Variants in RAMP1 observed in about 807,000 individuals in gnomAD.
RAMP1 encodes receptor activity-modifying protein 1.
A neutral mutation model predicts 8.2 loss-of-function variants in RAMP1; 7 were observed. The observed-to-expected ratio is 0.85, with a 90% CI of 0.49 to 1.60. The LOEUF is 1.60. Ranked by LOEUF, RAMP1 falls within the 40% of genes most tolerant of loss-of-function variation. The probability of loss-of-function intolerance (pLI) is 0.00; values close to 1 mark genes in which losing one functional copy is unlikely to be tolerated. For missense variants in RAMP1, 192 were observed against 202.4 expected (o/e 0.95, Z 0.31); for synonymous variants, 92 against 84.7 (o/e 1.09, Z -0.47).
intron 1 of RAMP1, among the ~76,000 whole-genome samples, chr2:237,875,079 C>T: frequency 6.6e-6 from 1 of 152,108 alleles, no homozygotes; most frequent in East Asian, 1.9e-4. Context: ...GAATTCCTTC[C>T]CTGAGTTGAC....
intron 2 of RAMP1, among the ~76,000 whole-genome samples, chr2:237,892,462 G>C (rs1191237820): frequency 6.6e-6 from 1 of 151,898 alleles, no homozygotes; most frequent in Non-Finnish European, 1.5e-5. Context: ...GTCTCACTGT[G>C]TTGCCCAGGC....
intron 2 of RAMP1, among the ~76,000 whole-genome samples, chr2:237,902,244 G>A (rs536754807): frequency 3.7e-4 from 56 of 151,648 alleles, no homozygotes; most frequent in Admixed American, 7.2e-4. Context: ...GATGAGGTGG[G>A]GGCCTGGAGC....
At chr2:237,867,727 G>A (rs376706031) in intron 1 of RAMP1, among the ~76,000 whole-genome samples, 13 of 152,274 alleles carry the variant, frequency 8.5e-5, no homozygotes, top group African/African-American at 3.1e-4. Flanking sequence ...GCAGCCTTTC[G>A]GCAGTCTCAG....
At chr2:237,900,935 A>G (rs1227893925) in intron 2 of RAMP1, among the ~76,000 whole-genome samples, 1 of 152,248 alleles carries the variant, frequency 6.6e-6, no homozygotes, top group African/African-American at 2.4e-5. Context: ...TTTATCAGAC[A>G]GTCACTGCAT....
chr2:237,911,092 TCA>T (rs997982654), intron 2 of RAMP1, among the ~76,000 whole-genome samples: 13 of 151,484 alleles, frequency 8.6e-5, no homozygotes, highest in Non-Finnish European at 1.3e-4. Flanking sequence ...TTACACATAG[TCA>T]CACACAGTCA....
chr2:237,895,242 G>A (rs541362348), intron 2 of RAMP1, among the ~76,000 whole-genome samples: 62 of 152,266 alleles, frequency 4.1e-4, no homozygotes, highest in African/African-American at 1.4e-3. Context: ...AGGGCAGCGC[G>A]AGTCACATGC....
chr2:237,911,399 C>A (rs550204968), intron 2 of RAMP1, 129 bp from the exon 3 acceptor site: 24 of 1,325,080 alleles, frequency 1.8e-5, no homozygotes, highest in Non-Finnish European at 2.4e-5. Flanking sequence ...GCCACTGCCT[C>A]GGCGTCGGGG....
intron 2 of RAMP1, among the ~76,000 whole-genome samples, chr2:237,893,389 G>A (rs1421670732): frequency 6.6e-6 from 1 of 152,210 alleles, no homozygotes; most frequent in African/African-American, 2.4e-5. Context: ...GGTGTGCAGT[G>A]CAGTTTCCTC....
chr2:237,899,558 C>T (rs912516879), intron 2 of RAMP1, among the ~76,000 whole-genome samples: 1 of 152,170 alleles, frequency 6.6e-6, no homozygotes. Context: ...TTAAAGCATT[C>T]CTGAAATTAG....
chr2:237,894,458 G>A lies in RAMP1; in HGVS notation c.192-17070G>A, dbSNP rs908385006. On this transcript the variant is annotated intron_variant, in intron 2 of 2. Coordinates refer to ENST00000254661, the MANE Select transcript of RAMP1 (RefSeq NM_005855.4). ...GCTGGGGTGGGAGCTAGGCCAGGGC[G>A]AGGCTGGCTGTGGAAGGGCCCTTTG... is the stretch of plus-strand genomic sequence containing the variant. 3.3e-5 allele frequency among the ~76,000 whole-genome samples: 5 copies of A among 152,310 alleles called. No individual in the cohort carries two copies. In the East Asian group the frequency reaches 5.8e-4, roughly 18 times the overall value.
At chr2:237,882,565 C>T (rs776676782) in intron 2 of RAMP1, among the ~76,000 whole-genome samples, 13 of 152,162 alleles carry the variant, frequency 8.5e-5, no homozygotes, top group Non-Finnish European at 1.5e-4. Flanking sequence ...ACTGTGGCCT[C>T]CTGAGATGGG....
At position 237,911,840 on chromosome 2, in the gene RAMP1, C is replaced by T. The variant is rs1444781257; in HGVS notation, c.*57C>T. ...GGCTGCAGGGTGAGGCCAGGCAGGC[C>T]TGGGTAGGGGCAGCTTCTGGAGCCT... On this transcript the variant is annotated 3_prime_UTR_variant, in exon 3 of 3. Coordinates refer to ENST00000254661, the MANE Select transcript of RAMP1 (RefSeq NM_005855.4). 4.6e-6 allele frequency: 7 copies of T among 1,531,884 alleles called. No individual in the cohort carries two copies. The African/African-American group carries it at 8.2e-5, about 18-fold the overall frequency. 94.9% of individuals were successfully genotyped at this position (1,531,884 alleles called of 1,614,324 possible).
intron 1 of RAMP1, among the ~76,000 whole-genome samples, chr2:237,864,318 G>A (rs576995475): frequency 3.6e-5 from 5 of 137,696 alleles, no homozygotes; most frequent in Non-Finnish European, 5.9e-5. Flanking sequence ...AACCATGCGC[G>A]TGTTTGCTTC....
At chr2:237,859,820 G>A in intron 1 of RAMP1, 93 bp downstream of exon 1, 34 of 651,146 alleles carry the variant, frequency 5.2e-5, no homozygotes, top group Non-Finnish European at 7.4e-5. Context: ...GAGCGGGTGG[G>A]AGCGGGTGGG....
At chr2:237,864,721 T>A (rs1475675553) in intron 1 of RAMP1, among the ~76,000 whole-genome samples, 2 of 152,144 alleles carry the variant, frequency 1.3e-5, no homozygotes. Context: ...ACACCAAATG[T>A]CCATAGTGCC....
chr2:237,899,967 GA>G (rs1365404660), intron 2 of RAMP1, among the ~76,000 whole-genome samples: 4 of 152,130 alleles, frequency 2.6e-5, no homozygotes, highest in Non-Finnish European at 5.9e-5. Context: ...AGTGCCTTTT[GA>G]AACAGCAATT....
intron 2 of RAMP1, among the ~76,000 whole-genome samples, chr2:237,879,314 AG>A (rs1335560494): frequency 1.3e-5 from 2 of 151,904 alleles, no homozygotes; most frequent in African/African-American, 4.8e-5. Context: ...TTCTACAAGC[AG>A]CCATGGTGGA....
chr2:237,883,912 C>CTTT (rs34291315), intron 2 of RAMP1, among the ~76,000 whole-genome samples: 1,762 of 92,972 alleles, frequency 0.019, 201 homozygotes, highest in African/African-American at 0.081. Flanking sequence ...TGTAGGTCCA[C>CTTT]TTTTTTTTTT....
rs2151014110 is a variant in RAMP1, at chr2:237,886,950, C to T, written c.191+9588C>T. ...CGCCTCCCCTGTGGACACTCGACTA[C>T]AGCAGCCACACCCCCAGAAAGCCCT... On this transcript the variant is annotated intron_variant, in intron 2 of 2. Coordinates refer to ENST00000254661, the MANE Select transcript of RAMP1 (RefSeq NM_005855.4). Among the ~76,000 whole-genome samples the T allele has an allele frequency of 4.6e-5, 7 of 152,308 alleles. No individual in the cohort carries two copies. The Middle Eastern group carries it at 0.024, about 518-fold the overall frequency.
Sources: allele counts gnomAD v4.1 joint callset (sites outside exome capture counted in the v4.1 genomes callset), GRCh38; gene constraint gnomAD v4.1.1; transcripts MANE v1.5; gene names NCBI Gene and HGNC (gene_info 2026-07-23, HGNC 2026-07-21).